HFM1: variants seen among roughly 807,000 people sequenced by gnomAD.
HFM1 encodes helicase for meiosis 1, also known as probable ATP-dependent DNA helicase HFM1.
HFM1 carries 169 observed loss-of-function variants against 192.1 expected under a neutral mutation model. The ratio of observed to expected loss-of-function variants is 0.88; its 90% CI spans 0.78 to 1.00. The LOEUF (loss-of-function observed/expected upper bound fraction) is 1.00, where lower values mean the gene tolerates loss of function less well. Among genes scored for constraint, HFM1 ranks in the 50% least tolerant of loss-of-function variants. The probability of loss-of-function intolerance (pLI) is 0.00; values close to 1 mark genes in which losing one functional copy is unlikely to be tolerated. For synonymous variants in HFM1, 525 were observed against 537.8 expected (o/e 0.98, Z 0.33); for missense variants, 1,661 against 1,668.0 (o/e 1.00, Z 0.07).
At chr1:91,363,704 T>G (rs1337241137) in intron 13 of HFM1, among the ~76,000 whole-genome samples, 1 of 152,140 alleles carries the variant, frequency 6.6e-6, no homozygotes, top group East Asian at 1.9e-4. Flanking sequence ...CAAAGGAATA[T>G]AAATTATTAT....
At chr1:91,389,405 C>T (rs1486729546) in intron 4 of HFM1, among the ~76,000 whole-genome samples, 5 of 152,112 alleles carry the variant, frequency 3.3e-5, no homozygotes, top group Non-Finnish European at 7.3e-5. Context: ...TGTGATCTGC[C>T]CGCCTCAGCC....
chr1:91,265,115 G>A (rs897536525), intron 36 of HFM1, among the ~76,000 whole-genome samples: 4 of 152,072 alleles, frequency 2.6e-5, no homozygotes, highest in Non-Finnish European at 5.9e-5. Context: ...CACTCCCTAC[G>A]ATTCACTCTG....
chr1:91,303,605 G>A (rs1057018025), intron 30 of HFM1, among the ~76,000 whole-genome samples: 1 of 152,144 alleles, frequency 6.6e-6, no homozygotes, highest in African/African-American at 2.4e-5. Context: ...TCAAAGCAGT[G>A]CACAATTTTA....
At chr1:91,395,547 G>GC (rs915070428) in intron 3 of HFM1, among the ~76,000 whole-genome samples, 1 of 151,980 alleles carries the variant, frequency 6.6e-6, no homozygotes, top group African/African-American at 2.4e-5. Flanking sequence ...TGTTGCCCAG[G>GC]CTGGAGTGCA....
At chr1:91,294,049 T>C (rs1304680417) in intron 30 of HFM1, among the ~76,000 whole-genome samples, 1 of 80,050 alleles carries the variant, frequency 1.2e-5, no homozygotes, top group East Asian at 4.2e-4. Flanking sequence ...GGGACTGTGG[T>C]GGGGTGGGGG....
chr1:91,283,059 T>A (rs933305984), intron 30 of HFM1, among the ~76,000 whole-genome samples: 1 of 152,168 alleles, frequency 6.6e-6, no homozygotes, highest in Non-Finnish European at 1.5e-5. Context: ...CACTAGCACA[T>A]GGATACTACC....
rs1665258666 is a variant in HFM1, at chr1:91,262,460, CAAA to C, written c.4086+18_4086+20del. ...ACTCGGGCAAAATTTAAAAGAAAAACAAAGAAGTGCTTCTTCTTACAATAACTG... is the reference window on the plus strand; with the variant it reads ...ACTCGGGCAAAATTTAAAAGAAAAACGAAGTGCTTCTTCTTACAATAACTG... On this transcript the variant is annotated intron_variant, in intron 37 of 38. Coordinates refer to ENST00000370425, the MANE Select transcript of HFM1 (RefSeq NM_001017975.6). The C allele has an allele frequency of 2.6e-6, 4 of 1,566,390 alleles. No homozygotes were observed. The highest frequency in any genetic ancestry group is 3.5e-6 in the Non-Finnish European group (4 of 1,145,132).
chr1:91,366,335 G>A (rs1044868361), intron 13 of HFM1, among the ~76,000 whole-genome samples: 13 of 152,070 alleles, frequency 8.5e-5, no homozygotes, highest in African/African-American at 1.4e-4. Flanking sequence ...AAAGAATTCC[G>A]TAAGTCTCTC....
intron 20 of HFM1, among the ~76,000 whole-genome samples, chr1:91,337,580 T>A (rs547473639): frequency 6.6e-6 from 1 of 152,330 alleles, no homozygotes; most frequent in South Asian, 2.1e-4. Flanking sequence ...CACAATTTGA[T>A]GGGGAAGCTC....
chr1:91,366,000 TAAAG>T (rs1659257835), intron 13 of HFM1, among the ~76,000 whole-genome samples: 2 of 132,552 alleles, frequency 1.5e-5, no homozygotes, highest in Admixed American at 7.4e-5. Context: ...TAAAAAGAGA[TAAAG>T]AAAAAATAAG....
chr1:91,354,766 G>A (rs1347801104), intron 13 of HFM1, among the ~76,000 whole-genome samples: 2 of 152,200 alleles, frequency 1.3e-5, no homozygotes, highest in African/African-American at 2.4e-5. Context: ...GAAATGAGGA[G>A]AAATAAAGTC....
chr1:91,405,318 T>A (rs1456956144), upstream of HFM1, among the ~76,000 whole-genome samples: 1 of 152,230 alleles, frequency 6.6e-6, no homozygotes, highest in Non-Finnish European at 1.5e-5. Flanking sequence ...CATGAATTTA[T>A]AAAAACAGGG....
At chr1:91,275,069 C>T (rs375614680) in intron 32 of HFM1, among the ~76,000 whole-genome samples, 12 of 149,670 alleles carry the variant, frequency 8.0e-5, no homozygotes, top group African/African-American at 2.9e-4. Context: ...ACTGCAACCT[C>T]TGCCTCCCAG....
At chr1:91,292,406 T>C (rs1668874382) in intron 30 of HFM1, among the ~76,000 whole-genome samples, 1 of 117,416 alleles carries the variant, frequency 8.5e-6, no homozygotes, top group Non-Finnish European at 1.8e-5. Flanking sequence ...TATACACCAA[T>C]AACAGACAAA....
At chr1:91,369,454 A>G (rs1659859397) in intron 13 of HFM1, among the ~76,000 whole-genome samples, 1 of 152,166 alleles carries the variant, frequency 6.6e-6, no homozygotes, top group Non-Finnish European at 1.5e-5. Flanking sequence ...CTCACTCAAA[A>G]CCGCTCAACT....
chr1:91,371,850 C>G (rs1660254762), intron 13 of HFM1, among the ~76,000 whole-genome samples: 1 of 151,998 alleles, frequency 6.6e-6, no homozygotes, highest in Admixed American at 6.6e-5. Flanking sequence ...TGACAAAGGG[C>G]TAATATCCAG....
At chr1:91,308,044 G>T (rs1236101972) in intron 30 of HFM1, among the ~76,000 whole-genome samples, 1 of 152,088 alleles carries the variant, frequency 6.6e-6, no homozygotes, top group Non-Finnish European at 1.5e-5. Context: ...AACATTTTCA[G>T]CAGTTTTGCT....
intron 19 of HFM1, among the ~76,000 whole-genome samples, chr1:91,346,003 G>T (rs569579203): frequency 2.0e-5 from 3 of 152,184 alleles, no homozygotes; most frequent in African/African-American, 4.8e-5. Flanking sequence ...ATTTCTGAAG[G>T]CTCCCATATC....
intron 30 of HFM1, among the ~76,000 whole-genome samples, chr1:91,292,606 T>C (rs1037787246): frequency 6.6e-6 from 1 of 151,828 alleles, no homozygotes; most frequent in Non-Finnish European, 1.5e-5. Context: ...AGAATCAATA[T>C]CATGAAAATG....
Sources: gnomAD v4.1 joint callset for allele counts (sites outside exome capture counted in the v4.1 genomes callset) on GRCh38, gnomAD v4.1.1 for gene constraint, MANE v1.5 for transcripts, NCBI Gene and HGNC (gene_info 2026-07-23, HGNC 2026-07-21) for gene names.